IGSF9B: variants seen among roughly 807,000 people sequenced by gnomAD.
IGSF9B encodes the protein protein turtle homolog B.
Under a neutral mutation model 143.7 loss-of-function variants are expected in IGSF9B, and 48 were observed. The ratio of observed to expected loss-of-function variants is 0.33; its 90% confidence interval spans 0.26 to 0.42. The LOEUF (loss-of-function observed/expected upper bound fraction) is 0.42. Among genes scored for constraint, IGSF9B ranks in the 20% least tolerant of loss-of-function variants. The pLI is 1.00. For synonymous variants in IGSF9B, 903 were observed against 833.1 expected, an observed-to-expected ratio of 1.08 and a Z score of -1.44; for missense variants, 1,706 against 1,980.0, an observed-to-expected ratio of 0.86 and a Z score of 2.63.
chr11:133,920,759 C>T lies in IGSF9B; in HGVS notation c.2966G>A (p.Gly989Asp). The T allele has an allele frequency of 6.2e-7, 1 of 1,612,482 alleles. No homozygotes were observed. Among genetic ancestry groups the T allele is most frequent in the South Asian group, 1.1e-5 (1 of 90,996 alleles). Reference protein sequence around the residue: ...EPPPFYVPEVGSPLSSVMSSP... With the variant: ...EPPPFYVPEVDSPLSSVMSSP... ...CGACATGACGGAGCTCAGGGGGCTG[C>T]CCACTTCTGGCACGTAGAACGGGGG... The change falls in exon 18 of 20, where the codon GGC becomes GAC. Residue 989 changes from glycine to aspartate, a missense_variant. Coordinates refer to ENST00000533871, the MANE Select transcript of IGSF9B (RefSeq NM_001277285.4).
chr11:133,944,682 A>G (rs1374294933), intron 2 of IGSF9B, among the ~76,000 whole-genome samples: 1 of 152,226 alleles, frequency 6.6e-6, no homozygotes, highest in Non-Finnish European at 1.5e-5. Flanking sequence ...TCCTGAGACA[A>G]AAGTAAGGCA....
At chr11:133,916,387 A>G (rs1269395603) in intron 18 of IGSF9B, among the ~76,000 whole-genome samples, 2 of 152,188 alleles carry the variant, frequency 1.3e-5, no homozygotes, top group African/African-American at 4.8e-5. Flanking sequence ...AGCTGTCACA[A>G]CTTCTCCAAG....
rs775887861 is a variant in IGSF9B at position 133,921,314 on chromosome 11, G to A, written c.2411C>T (p.Ala804Val). 1.2e-5 allele frequency: 19 copies of A among 1,605,664 alleles called. No individual in the cohort carries two copies. Among genetic ancestry groups the A allele is most frequent in the South Asian group, 2.2e-5 (2 of 90,432 alleles). The change falls in exon 18 of 20, where the codon GCG (alanine) becomes GTG (valine). Residue 804 changes from alanine (A) to valine (V), a missense_variant. By Grantham distance (64) the Ala-to-Val change is moderately conservative (BLOSUM62 0). Around this residue, in one of 7 missense-constraint regions of IGSF9B, gnomAD observed 135 missense variants for 181.3 expected, o/e 0.74. Coordinates refer to ENST00000533871, the MANE Select transcript of IGSF9B (RefSeq NM_001277285.4). Reference protein sequence around the residue: ...SESSDDQGQPAAKRMLSPTRE... With the variant: ...SESSDDQGQPVAKRMLSPTRE... ...GGTGGGGCTCAGCATCCTCTTGGCC[G>A]CGGGCTGGCCCTGGTCGTCGGAGGA...
intron 13 of IGSF9B, 48 bp from the exon 14 acceptor site, chr11:133,926,013 G>C (rs1017445668): frequency 3.0e-6 from 4 of 1,348,680 alleles, no homozygotes; most frequent in Non-Finnish European, 4.1e-6. Context: ...CGAGGCCCAG[G>C]GCAGCCACCG....
chr11:133,910,275 C>T (rs181421686), intron 19 of IGSF9B, among the ~76,000 whole-genome samples: 15 of 152,214 alleles, frequency 9.9e-5, no homozygotes, highest in African/African-American at 3.1e-4. Context: ...TGCAGTTCGC[C>T]GTGGTGGCTG....
chr11:133,933,180 C>T (rs1370913646), intron 7 of IGSF9B, among the ~76,000 whole-genome samples: 8 of 152,186 alleles, frequency 5.3e-5, no homozygotes, highest in African/African-American at 1.9e-4. Flanking sequence ...CATGCTTCTA[C>T]CATGGACCTC....
rs1423650860 is a variant in IGSF9B, at chr11:133,913,458, G to A, written c.3984-1451C>T. On this transcript the variant is annotated intron_variant, in intron 18 of 19. Transcript: ENST00000533871. The surrounding 1 kb of genome is among the most constrained non-coding windows in gnomAD (Gnocchi z 4.6). ...AAGCCTCTGGTCTCTGGGGTTTCCT[G>A]CATGCACTGGCAATGCAGTGACCTC... is the stretch of plus-strand genomic sequence containing the variant. Among the ~76,000 whole-genome samples, 1 of 152,298 alleles carries A rather than the reference G, an allele frequency of 6.6e-6. No homozygotes were observed. Among genetic ancestry groups the A allele is most frequent in the African/African-American group, 2.4e-5 (1 of 41,560 alleles).
rs2121260412 is a variant in IGSF9B, at chr11:133,905,925, G to A, written c.*3144C>T. Among the ~76,000 whole-genome samples, 1 of 152,314 alleles carries A rather than the reference G, an allele frequency of 6.6e-6. No homozygotes were observed. The highest frequency in any genetic ancestry group is 1.5e-5 in the Non-Finnish European group (1 of 68,026). On this transcript the variant is annotated 3_prime_UTR_variant, in exon 20 of 20. Coordinates refer to ENST00000533871, the MANE Select transcript of IGSF9B (RefSeq NM_001277285.4). The surrounding 1 kb of genome is among the most constrained non-coding windows in gnomAD (Gnocchi z 4.0). Reference sequence around the variant, plus strand: ...TCCCCACGCAAATGCAGTTGTCCAGGCCCCGCTAAGAACCGTTTTCCCCTC... The same window carrying A: ...TCCCCACGCAAATGCAGTTGTCCAGACCCCGCTAAGAACCGTTTTCCCCTC...
At chr11:133,955,471 G>A (rs1271386281) in intron 1 of IGSF9B, among the ~76,000 whole-genome samples, 1 of 152,216 alleles carries the variant, frequency 6.6e-6, no homozygotes, top group South Asian at 2.1e-4. Context: ...AGTGACGAGG[G>A]GACCCCGTGA....
rs1939667014 is a variant in IGSF9B at position 133,928,378 on chromosome 11, C to T, written c.1632-1287G>A. 1.3e-5 allele frequency among the ~76,000 whole-genome samples: 2 copies of T among 152,144 alleles called. No homozygotes were observed. Among genetic ancestry groups the T allele is most frequent in the South Asian group, 4.1e-4 (2 of 4,822 alleles). On this transcript the variant is annotated intron_variant, in intron 12 of 19. Coordinates refer to ENST00000533871, the MANE Select transcript of IGSF9B (RefSeq NM_001277285.4). This position sits in a 1 kb window ranked among gnomAD's most constrained non-coding sequence, Gnocchi z 4.7. ...TGCAGTTCTCCAATCAGAATCAAGA[C>T]ACCCAGGACACTCCGCCCGGGAAGC...
intron 19 of IGSF9B, among the ~76,000 whole-genome samples, chr11:133,911,596 C>T (rs933357473): frequency 1.3e-5 from 2 of 152,190 alleles, no homozygotes; most frequent in African/African-American, 4.8e-5. Context: ...GGCACACATG[C>T]TGAAAACGAC....
intron 18 of IGSF9B, among the ~76,000 whole-genome samples, chr11:133,914,613 G>A (rs1939349098): frequency 6.6e-6 from 1 of 152,150 alleles, no homozygotes. Flanking sequence ...CGGGACACCT[G>A]CTGTCCACCT....
intron 5 of IGSF9B, among the ~76,000 whole-genome samples, 183 bp from the exon 6 acceptor site, chr11:133,936,377 C>G (rs900115999): frequency 6.6e-6 from 1 of 152,150 alleles, no homozygotes; most frequent in Admixed American, 6.5e-5. Flanking sequence ...CCCCTGCCCC[C>G]GCACCAGGCT....
chr11:133,937,124 C>T (rs1011913010), intron 5 of IGSF9B, among the ~76,000 whole-genome samples: 4 of 152,186 alleles, frequency 2.6e-5, no homozygotes, highest in African/African-American at 9.6e-5. Context: ...GAAACCCACA[C>T]AGCAGGGGCC....
rs749814162 is a variant in IGSF9B, at chr11:133,920,161, C to A, written c.3564G>T (p.Glu1188Asp). 6.6e-6 allele frequency: 10 copies of A among 1,509,394 alleles called. No individual in the cohort carries two copies. The Middle Eastern group carries it at 5.4e-4, about 81-fold the overall frequency. The allele number at this position is 1,509,394 out of a possible 1,614,324, so 93.5% of individuals were successfully genotyped here. A position where few individuals can be genotyped will look rare whatever the true frequency, so the allele number is the denominator to read the frequency against. The change falls in exon 18 of 20, where the codon GAG becomes GAT. Residue 1188 changes from glutamate to aspartate, a missense_variant. Glu to Asp is a conservative substitution (Grantham distance 45, BLOSUM62 2). Around this residue, in one of 7 missense-constraint regions of IGSF9B, gnomAD observed 880 missense variants for 762.9 expected, o/e 1.15. Coordinates refer to ENST00000533871, the MANE Select transcript of IGSF9B (RefSeq NM_001277285.4). ...GTAGCACCACTTGATGTAAACTGGG[C>A]TCGGCGCGCCTGGCCTGCCGAGGGC... ...RPSPRQARRA[E>D]PSLHQVVLQP...
At position 133,920,247 on chromosome 11, in the gene IGSF9B, C is replaced by T. The variant is rs773056493; in HGVS notation, c.3478G>A (p.Gly1160Ser). The change falls in exon 18 of 20, where the codon GGC (glycine) becomes AGC (serine). Residue 1160 changes from glycine to serine, a missense_variant. This residue lies in a region of IGSF9B where 880 missense variants were observed against 762.9 expected (regional missense o/e 1.15). Coordinates refer to ENST00000533871, the MANE Select transcript of IGSF9B (RefSeq NM_001277285.4). ...GTGTCCAGGCCAAATGTGCTGGGGC[C>T]GCCGTGCGCCCCCGGCTCAGCCGGC... Reference protein sequence around the residue: ...PEPAEPGAHGGPSTFGLDTRW... With the variant: ...PEPAEPGAHGSPSTFGLDTRW... 6 of 1,516,608 alleles carry T rather than the reference C, an allele frequency of 4.0e-6. No individual in the cohort carries two copies. Among genetic ancestry groups the T allele is most frequent in the Middle Eastern group, 1.8e-4 (1 of 5,590 alleles). 93.9% of individuals were successfully genotyped at this position (1,516,608 alleles called of 1,614,324 possible). A position where few individuals can be genotyped will look rare whatever the true frequency, so the allele number is the denominator to read the frequency against.
In IGSF9B at chr11:133,900,629, GT is replaced by G. The variant is rs1455686861; in HGVS notation, c.*8439del. ...ACCCCCTCTCCCAGGCCGGCCCACAGTTCATCTCTCCCTCCTCATCCTCCAC... is the reference window on the plus strand; with the variant it reads ...ACCCCCTCTCCCAGGCCGGCCCACAGTCATCTCTCCCTCCTCATCCTCCAC... On this transcript the variant is annotated 3_prime_UTR_variant, in exon 20 of 20. Coordinates refer to ENST00000533871, the MANE Select transcript of IGSF9B (RefSeq NM_001277285.4). 1 of 152,598 alleles carries G rather than the reference GT, an allele frequency of 6.6e-6. No homozygotes were observed. Among genetic ancestry groups the G allele is most frequent in the Non-Finnish European group, 1.5e-5 (1 of 68,060 alleles). 9.5% of individuals were successfully genotyped at this position (152,598 alleles called of 1,614,324 possible).
intron 1 of IGSF9B, among the ~76,000 whole-genome samples, chr11:133,955,706 C>T (rs886339427): frequency 5.3e-5 from 8 of 152,220 alleles, no homozygotes; most frequent in African/African-American, 1.9e-4. Context: ...GGGCCGAGAG[C>T]CGGGGGTGCC....
chr11:133,937,769 G>A (rs1343061261), intron 4 of IGSF9B, 41 bp downstream of exon 4: 2 of 1,593,552 alleles, frequency 1.3e-6, no homozygotes, highest in Non-Finnish European at 1.7e-6. Context: ...GGGGAAACGG[G>A]GGAAGAGACC....
Sources: allele counts gnomAD v4.1 joint callset (sites outside exome capture counted in the v4.1 genomes callset), GRCh38; gene constraint gnomAD v4.1.1; regional missense constraint gnomAD v4.1.1; non-coding constraint Gnocchi (gnomAD v3.1); transcripts MANE v1.5; gene names NCBI Gene and HGNC (gene_info 2026-07-23, HGNC 2026-07-21).